The following VAX2 variants were observed in gnomAD, a reference collection of about 807,000 sequenced individuals.
VAX2 encodes the protein ventral anterior homeobox 2.
Under a neutral mutation model 12.5 loss-of-function variants are expected in VAX2, and 8 were observed. That is an observed-to-expected ratio of 0.64 (90% CI 0.37 to 1.15). The LOEUF (loss-of-function observed/expected upper bound fraction) is 1.15, where lower values mean the gene tolerates loss of function less well. VAX2 is among the 50% of genes most tolerant of loss of function. The pLI, the probability that VAX2 is intolerant of heterozygous loss-of-function variation, is 0.01. For synonymous variants in VAX2, 183 were observed against 187.6 expected (o/e 0.98, Z 0.20); for missense variants, 476 against 412.9 (o/e 1.15, Z -1.32).
intron 2 of VAX2, among the ~76,000 whole-genome samples, chr2:70,927,935 G>C (rs1679609884): frequency 6.6e-6 from 1 of 152,204 alleles, no homozygotes; most frequent in Non-Finnish European, 1.5e-5. Context: ...GCACTGGGCA[G>C]GTGAGGGGAG....
chr2:70,917,196 C>T (rs1442547434), intron 1 of VAX2, among the ~76,000 whole-genome samples: 1 of 147,354 alleles, frequency 6.8e-6, no homozygotes, highest in African/African-American at 2.5e-5. Flanking sequence ...GTGGCAGGTG[C>T]CTGTAACCCC....
chr2:70,905,176 G>C (rs1679024104), intron 1 of VAX2, among the ~76,000 whole-genome samples: 1 of 152,122 alleles, frequency 6.6e-6, no homozygotes. Context: ...CAGGACTTTA[G>C]TCTCAATATC....
chr2:70,917,881 C>T (rs1679344000), intron 1 of VAX2, among the ~76,000 whole-genome samples: 1 of 152,148 alleles, frequency 6.6e-6, no homozygotes, highest in African/African-American at 2.4e-5. Context: ...GTAACAGCAC[C>T]CTTCCTCCTA....
At position 70,904,013 on chromosome 2, in the gene VAX2, A is replaced by C. The variant is rs570143275; in HGVS notation, c.247+3145A>C. On this transcript the variant is annotated intron_variant, in intron 1 of 2. Transcript: ENST00000234392. This position sits in a 1 kb window ranked among gnomAD's most constrained non-coding sequence, Gnocchi z 4.2. The stretch of plus-strand genomic sequence containing the variant: ...AAACGTGGTGCGTCTCCTGCCTCAA[A>C]ATGAAGACTCCTACATGTCACACAT... 3.9e-4 allele frequency among the ~76,000 whole-genome samples: 59 copies of C among 152,276 alleles called. No homozygotes were observed. The highest frequency in any genetic ancestry group is 1.8e-3 in the Admixed American group (28 of 15,306).
chr2:70,932,885 T>G lies in VAX2; in HGVS notation c.554T>G (p.Leu185Arg). The G allele has an allele frequency of 6.2e-7, 1 of 1,613,534 alleles. No individual in the cohort carries two copies. Among genetic ancestry groups the G allele is most frequent in the Non-Finnish European group, 8.5e-7 (1 of 1,179,982 alleles). Residue 185 changes from leucine (L) to arginine (R), a missense_variant, in exon 3 of 3, where the codon CTG becomes CGG. Transcript: ENST00000234392. ...TTTGCCACCTCCAACATTCTGCGGCTGCTGGAGCAGGGCCGGCTGCTCTCT... is the reference window on the plus strand; with the variant it reads ...TTTGCCACCTCCAACATTCTGCGGCGGCTGGAGCAGGGCCGGCTGCTCTCT... The part of the protein sequence containing the change: ...EAFATSNILR[L>R]LEQGRLLSVP...
Position 70,933,230 on chromosome 2 carries a change from C to T in VAX2, c.*26C>T, listed in dbSNP as rs1679747446. The T allele has an allele frequency of 2.0e-6, 3 of 1,489,534 alleles. No individual in the cohort carries two copies. Among genetic ancestry groups the T allele is most frequent in the South Asian group, 2.8e-5 (2 of 70,534 alleles). 92.3% of individuals were successfully genotyped at this position (1,489,534 alleles called of 1,614,324 possible). On this transcript the variant is annotated 3_prime_UTR_variant, in exon 3 of 3. Coordinates refer to ENST00000234392, the MANE Select transcript of VAX2 (RefSeq NM_012476.3). Reference sequence around the variant, plus strand: ...GACTCCCACCCTGTGACACTGAGTCCCGAGCACAGCACCTTCCCAGTCTCC... The same window carrying T: ...GACTCCCACCCTGTGACACTGAGTCTCGAGCACAGCACCTTCCCAGTCTCC...
At chr2:70,923,212 C>T (rs1297703552) in intron 2 of VAX2, among the ~76,000 whole-genome samples, 2 of 152,184 alleles carry the variant, frequency 1.3e-5, no homozygotes, top group Non-Finnish European at 2.9e-5. Flanking sequence ...CACTACAACC[C>T]TCCTTCCTCT....
At chr2:70,917,297 G>T (rs1184792343) in intron 1 of VAX2, among the ~76,000 whole-genome samples, 1 of 150,666 alleles carries the variant, frequency 6.6e-6, no homozygotes, top group Non-Finnish European at 1.5e-5. Context: ...ACTCCAGCCT[G>T]GGGGATAGAG....
chr2:70,905,009 T>C (rs1359487248), intron 1 of VAX2, among the ~76,000 whole-genome samples: 1 of 152,162 alleles, frequency 6.6e-6, no homozygotes, highest in East Asian at 1.9e-4. Context: ...GGGAGGTTAC[T>C]GCAGGGACAG....
chr2:70,906,641 TC>T (rs1679068720), intron 1 of VAX2, among the ~76,000 whole-genome samples: 1 of 142,908 alleles, frequency 7.0e-6, no homozygotes, highest in African/African-American at 2.6e-5. Context: ...CGATCCTCCC[TC>T]ATCGACCTCC....
rs1032294407 is a variant in VAX2, at chr2:70,900,767, C to G, written c.146C>G (p.Thr49Ser). The G allele has an allele frequency of 3.5e-5, 53 of 1,495,286 alleles. No individual in the cohort carries two copies. The highest frequency in any genetic ancestry group is 4.6e-5 in the Non-Finnish European group (52 of 1,122,764). 92.6% of individuals were successfully genotyped at this position (1,495,286 alleles called of 1,614,324 possible). The change falls in exon 1 of 3, where the codon ACC (threonine) becomes AGC (serine). Residue 49 changes from threonine to serine, a missense_variant. By Grantham distance (58) the Thr-to-Ser change is moderately conservative (BLOSUM62 1). Coordinates refer to ENST00000234392, the MANE Select transcript of VAX2 (RefSeq NM_012476.3). ...CACAGCCCAACGGAGGTGGCCGGGA[C>G]CTCAGCCTCCAGTCCCGCAGGCTCC... ...GGHSPTEVAG[T>S]SASSPAGSRE... is the part of the protein sequence containing the mutation.
chr2:70,916,791 T>TAGG (rs1199212704), intron 1 of VAX2, among the ~76,000 whole-genome samples: 1 of 152,142 alleles, frequency 6.6e-6, no homozygotes, highest in Non-Finnish European at 1.5e-5. Flanking sequence ...TTATTTCCAT[T>TAGG]AGGGGGCTAT....
intron 2 of VAX2, among the ~76,000 whole-genome samples, chr2:70,925,125 G>A (rs1679539565): frequency 6.6e-6 from 1 of 152,218 alleles, no homozygotes; most frequent in South Asian, 2.1e-4. Context: ...CAGGGTAATT[G>A]GGTAAGTAGG....
At chr2:70,919,250 T>TAA (rs147492404) in intron 1 of VAX2, among the ~76,000 whole-genome samples, 1 of 134,654 alleles carries the variant, frequency 7.4e-6, no homozygotes, top group Admixed American at 7.5e-5. Context: ...AAAAAAAGAA[T>TAA]AAAAAAAAAA....
chr2:70,924,351 T>TATTG (rs1553413265), intron 2 of VAX2: 1 of 151,816 alleles, frequency 6.6e-6, no homozygotes, highest in African/African-American at 2.4e-5. Flanking sequence ...AAGTCTTATT[T>TATTG]ATTTATTTAT....
Position 70,922,891 on chromosome 2 carries a change from C to T in VAX2, c.435+1606C>T, listed in dbSNP as rs189354657. Among the ~76,000 whole-genome samples the T allele has an allele frequency of 1.4e-4, 21 of 152,294 alleles. 1 individual carries two copies. Among genetic ancestry groups the T allele is most frequent in the Admixed American group, 1.1e-3 (17 of 15,302 alleles). ...AACTCCTGGGGAAGTCACTGAGGCC[C>T]GTATTCCCTACACTGAGCTGCCCTT... is the stretch of plus-strand genomic sequence containing the variant. On this transcript the variant is annotated intron_variant, in intron 2 of 2. Transcript: ENST00000234392.
At chr2:70,923,839 T>G (rs1279780144) in intron 2 of VAX2, among the ~76,000 whole-genome samples, 2 of 152,088 alleles carry the variant, frequency 1.3e-5, no homozygotes, top group Non-Finnish European at 2.9e-5. Context: ...TGTTCAAGAC[T>G]AAATCCAGGC....
At chr2:70,917,806 C>T (rs1679342868) in intron 1 of VAX2, among the ~76,000 whole-genome samples, 1 of 152,058 alleles carries the variant, frequency 6.6e-6, no homozygotes, top group African/African-American at 2.4e-5. Context: ...TGTTTAGGGA[C>T]TCAGGCTCAG....
Position 70,933,174 on chromosome 2 carries a change from C to T in VAX2, c.843C>T (p.Ser281=), listed in dbSNP as rs781919829. Residue 281 remains serine, a synonymous_variant, in exon 3 of 3, where the codon AGC becomes AGT. Coordinates refer to ENST00000234392, the MANE Select transcript of VAX2 (RefSeq NM_012476.3). ...PYSWLERKVG[S]ASSCKKANT ...GCTGGCTAGAACGGAAAGTGGGCAG[C>T]GCCAGCAGCTGCAAGAAAGCTAACA... 301 of 1,531,428 alleles carry T rather than the reference C, an allele frequency of 2.0e-4. No homozygotes were observed. Among genetic ancestry groups the T allele is most frequent in the Non-Finnish European group, 2.5e-4 (281 of 1,141,784 alleles). 94.9% of individuals were successfully genotyped at this position (1,531,428 alleles called of 1,614,324 possible).
Sources: gnomAD v4.1 joint callset for allele counts (sites outside exome capture counted in the v4.1 genomes callset) on GRCh38, gnomAD v4.1.1 for gene constraint, Gnocchi (gnomAD v3.1) non-coding constraint, MANE v1.5 for transcripts, NCBI Gene and HGNC (gene_info 2026-07-23, HGNC 2026-07-21) for gene names.